Variants in WWOX observed in about 807,000 individuals in gnomAD.
WWOX encodes the protein WW domain containing oxidoreductase.
WWOX carries 69 observed loss-of-function variants against 46.2 expected under a neutral mutation model. That is an observed-to-expected ratio of 1.49 (90% CI 1.23 to 1.82). The LOEUF is 1.82. Ranked by LOEUF, WWOX falls within the 40% of genes most tolerant of loss-of-function variation. The pLI is 0.00. For synonymous variants in WWOX, 359 were observed against 202.6 expected (o/e 1.77, Z -6.56); for missense variants, 919 against 542.6 (o/e 1.69, Z -6.89).
chr16:78,498,721 C>G (rs2084979874), intron 8 of WWOX, among the ~76,000 whole-genome samples: 1 of 152,162 alleles, frequency 6.6e-6, no homozygotes, highest in Non-Finnish European at 1.5e-5. Flanking sequence ...AGAGACAGAT[C>G]TTGCTCTGTT....
At chr16:78,162,705 C>G (rs1400652061) in intron 4 of WWOX, among the ~76,000 whole-genome samples, 1 of 152,078 alleles carries the variant, frequency 6.6e-6, no homozygotes, top group Non-Finnish European at 1.5e-5. Context: ...GTCTATTTCA[C>G]TTGTTTTGGA....
chr16:78,150,622 A>G lies in WWOX; in HGVS notation c.410-13561A>G, dbSNP rs142614725. On this transcript the variant is annotated intron_variant, in intron 4 of 8. Transcript: ENST00000566780. Reference sequence around the variant, plus strand: ...GGTCTTGAACTCCTCAGCTCAAGCAATCCTCCTGCCTCGGCCTCCCAAAGT... The same window carrying G: ...GGTCTTGAACTCCTCAGCTCAAGCAGTCCTCCTGCCTCGGCCTCCCAAAGT... 6.6e-5 allele frequency among the ~76,000 whole-genome samples: 10 copies of G among 151,922 alleles called. No homozygotes were observed. In the South Asian group the frequency reaches 8.4e-4, roughly 13 times the overall value.
At chr16:78,478,776 A>G (rs748705967) in intron 8 of WWOX, among the ~76,000 whole-genome samples, 1 of 152,228 alleles carries the variant, frequency 6.6e-6, no homozygotes, top group Non-Finnish European at 1.5e-5. Context: ...AGTTCAAACT[A>G]GACAGCTGGT....
At chr16:79,120,752 C>T (rs1168040449) in intron 8 of WWOX, among the ~76,000 whole-genome samples, 1 of 152,064 alleles carries the variant, frequency 6.6e-6, no homozygotes, top group Non-Finnish European at 1.5e-5. Context: ...TCTGAAATTT[C>T]CCTCTGCGTT....
chr16:79,139,560 G>A (rs993122525), intron 8 of WWOX, among the ~76,000 whole-genome samples: 1 of 152,064 alleles, frequency 6.6e-6, no homozygotes, highest in Non-Finnish European at 1.5e-5. Context: ...ATCGAGCTGT[G>A]GAAGTCACGT....
chr16:79,083,054 C>G (rs1226517591), intron 8 of WWOX, among the ~76,000 whole-genome samples: 6 of 152,116 alleles, frequency 3.9e-5, no homozygotes, highest in Non-Finnish European at 5.9e-5. Context: ...TTGTTTCAGC[C>G]ATTTTCATCT....
chr16:78,821,086 C>T (rs750885300), intron 8 of WWOX, among the ~76,000 whole-genome samples: 16 of 152,164 alleles, frequency 1.1e-4, no homozygotes, highest in African/African-American at 1.9e-4. Flanking sequence ...TCTGAGTGAA[C>T]ATGTTTCTAG....
At chr16:78,783,262 C>G (rs1345134471) in intron 8 of WWOX, among the ~76,000 whole-genome samples, 3 of 152,324 alleles carry the variant, frequency 2.0e-5, no homozygotes, top group Admixed American at 1.3e-4. Context: ...TTTCAACAGG[C>G]TCCTGTTAAG....
chr16:78,369,966 C>G (rs2081631148), intron 5 of WWOX, among the ~76,000 whole-genome samples: 1 of 151,858 alleles, frequency 6.6e-6, no homozygotes, highest in African/African-American at 2.4e-5. Flanking sequence ...AACCCCATCT[C>G]TACTAAAACT....
chr16:78,829,546 C>G (rs761867640), intron 8 of WWOX, among the ~76,000 whole-genome samples: 1 of 152,120 alleles, frequency 6.6e-6, no homozygotes, highest in Non-Finnish European at 1.5e-5. Context: ...GTCAAGTTGA[C>G]ACCTACAATT....
At chr16:79,040,555 T>C (rs2047951427) in intron 8 of WWOX, among the ~76,000 whole-genome samples, 1 of 152,134 alleles carries the variant, frequency 6.6e-6, no homozygotes. Flanking sequence ...GGCTTACAGG[T>C]ATCAGCCACT....
At chr16:78,632,345 A>G (rs2046452183) in intron 8 of WWOX, among the ~76,000 whole-genome samples, 1 of 152,166 alleles carries the variant, frequency 6.6e-6, no homozygotes, top group South Asian at 2.1e-4. Context: ...GTAGGTCAGC[A>G]TGCCCAAAGT....
intron 8 of WWOX, among the ~76,000 whole-genome samples, chr16:78,713,929 A>G (rs1207856106): frequency 6.6e-6 from 1 of 152,184 alleles, no homozygotes; most frequent in East Asian, 1.9e-4. Context: ...GTTGGGGAAC[A>G]GGAAACCTGT....
At chr16:78,109,039 G>A (rs940404954) in intron 2 of WWOX, among the ~76,000 whole-genome samples, 1 of 152,118 alleles carries the variant, frequency 6.6e-6, no homozygotes, top group East Asian at 1.9e-4. Context: ...TGAGGCCTTT[G>A]ATTCACAGTT....
intron 8 of WWOX, among the ~76,000 whole-genome samples, chr16:78,922,284 C>G (rs1412584258): frequency 6.6e-6 from 1 of 152,046 alleles, no homozygotes; most frequent in Non-Finnish European, 1.5e-5. Flanking sequence ...TAGGCCCCAT[C>G]CTAAATCACA....
rs931662358 is a variant in WWOX at position 78,275,309 on chromosome 16, C to T, written c.516+111020C>T. ...CTGGCACCTTTGCTCCCACATTTCCCGGGCGCAGCCCTTGACTCACCCTGT... is the reference window on the plus strand; with the variant it reads ...CTGGCACCTTTGCTCCCACATTTCCTGGGCGCAGCCCTTGACTCACCCTGT... On this transcript the variant is annotated intron_variant, in intron 5 of 8. Coordinates refer to ENST00000566780, the MANE Select transcript of WWOX (RefSeq NM_016373.4). 7.2e-5 allele frequency among the ~76,000 whole-genome samples: 11 copies of T among 152,288 alleles called. 1 individual carries two copies. The highest frequency in any genetic ancestry group is 1.9e-4 in the East Asian group (1 of 5,170).
At chr16:78,889,178 C>G (rs1408382929) in intron 8 of WWOX, among the ~76,000 whole-genome samples, 1 of 152,124 alleles carries the variant, frequency 6.6e-6, no homozygotes, top group South Asian at 2.1e-4. Context: ...AGGATTCGTA[C>G]CAGGGATTGG....
At chr16:78,256,375 A>G (rs2038132761) in intron 5 of WWOX, among the ~76,000 whole-genome samples, 1 of 151,854 alleles carries the variant, frequency 6.6e-6, no homozygotes. Context: ...TTCTCACTGT[A>G]ATCTCTCTGA....
intron 8 of WWOX, among the ~76,000 whole-genome samples, chr16:78,556,526 A>G (rs1448867904): frequency 6.6e-6 from 1 of 152,148 alleles, no homozygotes; most frequent in Non-Finnish European, 1.5e-5. Context: ...GAGTACAATT[A>G]TAAAGTATCT....
Sources: allele counts gnomAD v4.1 joint callset (sites outside exome capture counted in the v4.1 genomes callset), GRCh38; gene constraint gnomAD v4.1.1; transcripts MANE v1.5; gene names NCBI Gene and HGNC (gene_info 2026-07-23, HGNC 2026-07-21).